MAP4: variants seen among roughly 807,000 people sequenced by gnomAD.
MAP4 encodes microtubule associated protein 4.
A neutral mutation model predicts 170.2 loss-of-function variants in MAP4; 76 were observed. The ratio of observed to expected loss-of-function variants is 0.45; its 90% CI spans 0.37 to 0.54. The LOEUF (loss-of-function observed/expected upper bound fraction) is 0.54, where lower values mean the gene tolerates loss of function less well. Among genes scored for constraint, MAP4 ranks in the 20% least tolerant of loss-of-function variants. The pLI is 0.00. For missense variants in MAP4, 2,506 were observed against 2,748.0 expected (o/e 0.91, Z 1.97); for synonymous variants, 909 against 994.5 (o/e 0.91, Z 1.62).
chr3:47,906,126 A>G (rs894250376), intron 9 of MAP4, among the ~76,000 whole-genome samples: 16 of 152,200 alleles, frequency 1.1e-4, no homozygotes, highest in African/African-American at 3.9e-4. Flanking sequence ...AAGGCAGGGA[A>G]ACAGGTATTT....
chr3:48,023,346 AAAG>A (rs562017669), intron 1 of MAP4, among the ~76,000 whole-genome samples: 2 of 152,226 alleles, frequency 1.3e-5, no homozygotes, highest in Non-Finnish European at 2.9e-5. Context: ...ATGGATCCAT[AAAG>A]AAGGATATTT....
intron 16 of MAP4, among the ~76,000 whole-genome samples, chr3:47,868,736 C>T (rs1341398454): frequency 6.6e-6 from 1 of 152,104 alleles, no homozygotes; most frequent in Non-Finnish European, 1.5e-5. Context: ...AAGAGGTGAC[C>T]CGGGGAACCA....
At chr3:47,992,643 A>G (rs2154350143) in intron 2 of MAP4, among the ~76,000 whole-genome samples, 1 of 152,274 alleles carries the variant, frequency 6.6e-6, no homozygotes, top group African/African-American at 2.4e-5. Flanking sequence ...TGGAAAATGC[A>G]TTCTATGAAA....
In MAP4 at chr3:47,852,183, T is replaced by C. The variant is rs2043602422; in HGVS notation, c.*751A>G. 2 of 152,936 alleles carry C rather than the reference T, an allele frequency of 1.3e-5. No homozygotes were observed. The highest frequency in any genetic ancestry group is 4.8e-5 in the African/African-American group (2 of 41,466). 9.5% of individuals were successfully genotyped at this position (152,936 alleles called of 1,614,324 possible). On this transcript the variant is annotated 3_prime_UTR_variant, in exon 21 of 21. Transcript: ENST00000683076. ...CCGCCCTGTTCCCTCTAACACTTAC[T>C]GAGGACTTTCATGTAGACATGGCTT...
At chr3:47,951,481 C>T (rs933608085) in intron 3 of MAP4, among the ~76,000 whole-genome samples, 2 of 152,234 alleles carry the variant, frequency 1.3e-5, no homozygotes, top group African/African-American at 4.8e-5. Flanking sequence ...TGCCTAGTGC[C>T]TGCGATTGCA....
At chr3:47,954,776 A>G (rs541560682) in intron 3 of MAP4, among the ~76,000 whole-genome samples, 1 of 152,348 alleles carries the variant, frequency 6.6e-6, no homozygotes, top group Non-Finnish European at 1.5e-5. Context: ...TGAAATGCTT[A>G]GCTCAAGTCC....
At chr3:47,985,829 T>C (rs1297804154) in intron 2 of MAP4, among the ~76,000 whole-genome samples, 1 of 152,180 alleles carries the variant, frequency 6.6e-6, no homozygotes, top group East Asian at 1.9e-4. Flanking sequence ...AAGGAATGTG[T>C]TGAATCTGTT....
rs534768934 is a variant in MAP4, at chr3:48,011,644, T to C, written c.-20+4690A>G. Among the ~76,000 whole-genome samples the C allele has an allele frequency of 1.2e-3, 187 of 152,240 alleles. 2 individuals are homozygous for C. The highest frequency in any genetic ancestry group is 4.1e-3 in the African/African-American group (169 of 41,540). On this transcript the variant is annotated intron_variant, in intron 1 of 20. Coordinates refer to ENST00000683076, the MANE Select transcript of MAP4 (RefSeq NM_001385682.1). ...GTGGGTGGGAAGCCCTATTCTATGC[T>C]CGTCCAGCCTACTTTACATATAAAG...
intron 1 of MAP4, among the ~76,000 whole-genome samples, chr3:48,083,358 G>C (rs929498129): frequency 6.6e-6 from 1 of 152,084 alleles, no homozygotes; most frequent in African/African-American, 2.4e-5. Flanking sequence ...AAGAAGTGAG[G>C]AAAGTTATAA....
chr3:48,078,172 G>A (rs908707323), intron 1 of MAP4, among the ~76,000 whole-genome samples: 15 of 152,056 alleles, frequency 9.9e-5, no homozygotes, highest in Admixed American at 1.3e-4. Context: ...GTTTTGACAG[G>A]GTCTTGCTCT....
At chr3:48,060,467 C>T (rs1442609469) in intron 1 of MAP4, among the ~76,000 whole-genome samples, 3 of 151,980 alleles carry the variant, frequency 2.0e-5, no homozygotes, top group Non-Finnish European at 4.4e-5. Flanking sequence ...GATACAACCC[C>T]AAAAACATGA....
intron 3 of MAP4, among the ~76,000 whole-genome samples, chr3:47,951,542 G>C (rs1475206341): frequency 6.6e-6 from 1 of 152,234 alleles, no homozygotes; most frequent in Non-Finnish European, 1.5e-5. Flanking sequence ...GGTGGAGACA[G>C]GGTTTCGCTG....
Position 47,916,120 on chromosome 3 carries a change from A to G in MAP4, c.1707T>C (p.Asn569=), listed in dbSNP as rs753451007. ...GTGGAACATCTTTGGCTGGAGTCAC[A>G]TTGTTGGCCAGGGTCAGAACCCCAT... ...AKDGVLTLAN[N]VTPAKDVPPL... Residue 569 remains asparagine, a synonymous_variant, in exon 7 of 21, where the codon AAT becomes AAC. Transcript: ENST00000683076. 130 of 1,614,042 alleles carry G rather than the reference A, an allele frequency of 8.1e-5. No homozygotes were observed. Among genetic ancestry groups the G allele is most frequent in the Non-Finnish European group, 1.1e-4 (126 of 1,180,044 alleles).
chr3:48,045,981 CTTCT>C (rs1400002399), intron 1 of MAP4, among the ~76,000 whole-genome samples: 33 of 138,350 alleles, frequency 2.4e-4, no homozygotes, highest in Admixed American at 1.1e-3. Flanking sequence ...TCTTGCATCA[CTTCT>C]TTTTTTTTTT....
intron 17 of MAP4, among the ~76,000 whole-genome samples, chr3:47,866,056 A>G (rs571070370): frequency 3.3e-5 from 5 of 152,160 alleles, no homozygotes; most frequent in Admixed American, 6.5e-5. Context: ...AAGGAGGGAA[A>G]GTCTGGGCGC....
intron 1 of MAP4, among the ~76,000 whole-genome samples, chr3:48,055,367 G>C (rs572943534): frequency 9.3e-4 from 141 of 152,278 alleles, no homozygotes; most frequent in African/African-American, 3.2e-3. Context: ...GGCCCGCGCC[G>C]CCACGCCTGA....
At chr3:48,029,039 G>A (rs1047106906) in intron 1 of MAP4, among the ~76,000 whole-genome samples, 2 of 151,784 alleles carry the variant, frequency 1.3e-5, no homozygotes, top group African/African-American at 4.8e-5. Context: ...CCAGCTACTT[G>A]GGAGGCTGAG....
At chr3:47,890,359 C>T (rs751778067) in intron 10 of MAP4, among the ~76,000 whole-genome samples, 1 of 152,166 alleles carries the variant, frequency 6.6e-6, no homozygotes. Context: ...TTTCTCCCCA[C>T]AAATCCTCTC....
chr3:47,952,142 C>G (rs1437441001), intron 3 of MAP4, among the ~76,000 whole-genome samples: 5 of 143,862 alleles, frequency 3.5e-5, no homozygotes, highest in African/African-American at 1.3e-4. Context: ...AGTGAGGAGC[C>G]CCTCCGCCCG....
Sources: gnomAD v4.1 joint callset for allele counts (sites outside exome capture counted in the v4.1 genomes callset) on GRCh38, gnomAD v4.1.1 for gene constraint, MANE v1.5 for transcripts, NCBI Gene and HGNC (gene_info 2026-07-23, HGNC 2026-07-21) for gene names.